The following SERGEF variants were observed in gnomAD, a reference collection of about 807,000 sequenced individuals.
SERGEF encodes secretion-regulating guanine nucleotide exchange factor.
Under a neutral mutation model 50.0 loss-of-function variants are expected in SERGEF, and 51 were observed. The ratio of observed to expected loss-of-function variants is 1.02; its 90% CI spans 0.81 to 1.29. SERGEF has a LOEUF of 1.29. SERGEF is among the 50% of genes most tolerant of loss of function. SERGEF has a pLI of 0.00. For missense variants in SERGEF, 521 were observed against 557.0 expected, an observed-to-expected ratio of 0.94 and a Z score of 0.65; for synonymous variants, 205 against 212.4, an observed-to-expected ratio of 0.97 and a Z score of 0.30.
intron 9 of SERGEF, among the ~76,000 whole-genome samples, chr11:17,948,925 C>T (rs1852721355): frequency 1.3e-5 from 2 of 152,214 alleles, no homozygotes; most frequent in Non-Finnish European, 2.9e-5. Context: ...GTAAAAAGAG[C>T]TCTCTTCCAA....
At chr11:17,952,902 T>A (rs770931548) in intron 9 of SERGEF, among the ~76,000 whole-genome samples, 6 of 152,104 alleles carry the variant, frequency 3.9e-5, no homozygotes, top group Non-Finnish European at 5.9e-5. Context: ...GCTTCCCTTC[T>A]CCCTCTCCTG....
intron 9 of SERGEF, among the ~76,000 whole-genome samples, chr11:17,899,528 C>T (rs1851705807): frequency 6.6e-6 from 1 of 152,178 alleles, no homozygotes; most frequent in African/African-American, 2.4e-5. Flanking sequence ...ATTAATATAT[C>T]ACCATACCAT....
rs1851483322 is a variant in SERGEF, at chr11:17,888,908, T to C, written c.1012-10664A>G. Reference sequence around the variant, plus strand: ...GTGATAAAAGAGTAAAGGAGACGTGTCAAAAGGAAACTAGCCAGCCTGAAA... The same window carrying C: ...GTGATAAAAGAGTAAAGGAGACGTGCCAAAAGGAAACTAGCCAGCCTGAAA... On this transcript the variant is annotated intron_variant, in intron 9 of 10. Coordinates refer to ENST00000265965, the MANE Select transcript of SERGEF (RefSeq NM_012139.4). The surrounding 1 kb of genome is among the most constrained non-coding windows in gnomAD (Gnocchi z 4.1). Among the ~76,000 whole-genome samples, 1 of 152,120 alleles carries C rather than the reference T, an allele frequency of 6.6e-6. No individual in the cohort carries two copies. Among genetic ancestry groups the C allele is most frequent in the Non-Finnish European group, 1.5e-5 (1 of 68,028 alleles).
At chr11:17,882,055 G>C (rs557187083) in intron 9 of SERGEF, among the ~76,000 whole-genome samples, 1 of 152,214 alleles carries the variant, frequency 6.6e-6, no homozygotes, top group South Asian at 2.1e-4. Context: ...GCAATTTCAG[G>C]CCTTTATGCA....
At chr11:17,965,814 G>A (rs1853109739) in intron 8 of SERGEF, among the ~76,000 whole-genome samples, 1 of 152,132 alleles carries the variant, frequency 6.6e-6, no homozygotes, top group Admixed American at 6.5e-5. Context: ...CACCACTACT[G>A]AAAACTACCA....
intron 10 of SERGEF, among the ~76,000 whole-genome samples, chr11:17,839,438 G>A (rs1850460800): frequency 6.6e-6 from 1 of 152,178 alleles, no homozygotes; most frequent in African/African-American, 2.4e-5. Context: ...AATTCTTCCA[G>A]GGGTCAGATT....
At chr11:17,825,285 T>C (rs965708283) in intron 10 of SERGEF, among the ~76,000 whole-genome samples, 2 of 152,132 alleles carry the variant, frequency 1.3e-5, no homozygotes, top group African/African-American at 2.4e-5. Flanking sequence ...TATAATACAG[T>C]AAATAAAATA....
chr11:17,975,617 T>C (rs1212543188), intron 8 of SERGEF, among the ~76,000 whole-genome samples: 2 of 152,176 alleles, frequency 1.3e-5, no homozygotes, highest in Non-Finnish European at 2.9e-5. Context: ...AGAGGACTTC[T>C]AATTCAGCCA....
At chr11:17,946,286 C>T (rs528019838) in intron 9 of SERGEF, among the ~76,000 whole-genome samples, 6 of 152,290 alleles carry the variant, frequency 3.9e-5, no homozygotes, top group Admixed American at 6.5e-5. Context: ...CTTGGACTAA[C>T]GACCACCACT....
At chr11:17,900,402 C>T (rs755045807) in intron 9 of SERGEF, among the ~76,000 whole-genome samples, 2 of 152,200 alleles carry the variant, frequency 1.3e-5, no homozygotes, top group Admixed American at 6.5e-5. Flanking sequence ...ACATCAATCT[C>T]GGCATTGCTA....
At chr11:17,968,223 C>A (rs1029790246) in intron 8 of SERGEF, among the ~76,000 whole-genome samples, 1 of 152,138 alleles carries the variant, frequency 6.6e-6, no homozygotes, top group Admixed American at 6.5e-5. Flanking sequence ...GCTGTTACCA[C>A]CAAGGATATC....
chr11:17,878,127 G>A (rs1851271298), intron 10 of SERGEF, 81 bp downstream of exon 10: 1 of 1,043,938 alleles, frequency 9.6e-7, no homozygotes, highest in Non-Finnish European at 1.5e-6. Context: ...ACGCACCATG[G>A]CTTTTGGTTA....
chr11:17,888,328 G>A lies in SERGEF; in HGVS notation c.1012-10084C>T, dbSNP rs951792060. On this transcript the variant is annotated intron_variant, in intron 9 of 10. Transcript: ENST00000265965. The surrounding 1 kb of genome is among the most constrained non-coding windows in gnomAD (Gnocchi z 4.1). ...AATAAATAATATAACTGCTCTGAAGGGGGTCAGAATAACTCTTGAACACAG... is the reference window on the plus strand; with the variant it reads ...AATAAATAATATAACTGCTCTGAAGAGGGTCAGAATAACTCTTGAACACAG... Among the ~76,000 whole-genome samples the A allele has an allele frequency of 6.6e-6, 1 of 152,078 alleles. No homozygotes were observed. The highest frequency in any genetic ancestry group is 2.4e-5 in the African/African-American group (1 of 41,404).
chr11:17,811,898 G>C lies in SERGEF; in HGVS notation c.1049-23485C>G, dbSNP rs577121899. On this transcript the variant is annotated intron_variant, in intron 10 of 10. Coordinates refer to ENST00000265965, the MANE Select transcript of SERGEF (RefSeq NM_012139.4). ...CGTGCCACCAGCCAAAGTCATTTCT[G>C]TACTTGCAGAGCACAGCACAATGCC... 2.0e-5 allele frequency among the ~76,000 whole-genome samples: 3 copies of C among 152,340 alleles called. No individual in the cohort carries two copies. The South Asian group carries it at 6.2e-4, about 32-fold the overall frequency.
At chr11:17,837,864 A>G (rs569651042) in intron 10 of SERGEF, among the ~76,000 whole-genome samples, 2 of 151,928 alleles carry the variant, frequency 1.3e-5, no homozygotes, top group South Asian at 2.1e-4. Context: ...GGGGGGTTTC[A>G]CTATGTTGGT....
chr11:17,969,793 A>C (rs1853208663), intron 8 of SERGEF, among the ~76,000 whole-genome samples: 1 of 152,178 alleles, frequency 6.6e-6, no homozygotes, highest in South Asian at 2.1e-4. Context: ...AGTGAGCACA[A>C]CACTGTTCAT....
At chr11:17,940,622 G>C (rs1852543872) in intron 9 of SERGEF, among the ~76,000 whole-genome samples, 1 of 152,046 alleles carries the variant, frequency 6.6e-6, no homozygotes, top group African/African-American at 2.4e-5. Flanking sequence ...TGTCCAGGCT[G>C]GAGTGCAGTG....
chr11:17,993,478 C>T (rs1465157840), intron 6 of SERGEF, among the ~76,000 whole-genome samples: 3 of 152,126 alleles, frequency 2.0e-5, no homozygotes, highest in African/African-American at 7.2e-5. Context: ...CAAACGCAGG[C>T]ACTTAAATAA....
In SERGEF at chr11:17,788,512, C is replaced by T. The variant is rs1206441854; in HGVS notation, c.1049-99G>A. 5 of 1,005,038 alleles carry T rather than the reference C, an allele frequency of 5.0e-6. No homozygotes were observed. The South Asian group carries it at 7.8e-5, about 16-fold the overall frequency. 62.3% of individuals were successfully genotyped at this position (1,005,038 alleles called of 1,614,324 possible). A position where few individuals can be genotyped will look rare whatever the true frequency, so the allele number is the denominator to read the frequency against. ...AGGTATCATCATAAACCCCAGTTCA[C>T]TCAGGAAGACGCCAAAGCTTAAGGA... On this transcript the variant is annotated intron_variant, in intron 10 of 10. Transcript: ENST00000265965.
Sources: gnomAD v4.1 joint callset for allele counts (sites outside exome capture counted in the v4.1 genomes callset) on GRCh38, gnomAD v4.1.1 for gene constraint, Gnocchi (gnomAD v3.1) non-coding constraint, MANE v1.5 for transcripts, NCBI Gene and HGNC (gene_info 2026-07-23, HGNC 2026-07-21) for gene names.